GK: variants seen among roughly 807,000 people sequenced by gnomAD.
The protein encoded by GK is glycerol kinase, also known as ATP:glycerol 3-phosphotransferase.
Under a neutral mutation model 56.4 loss-of-function variants are expected in GK, and 9 were observed. That is an observed-to-expected ratio of 0.16 (90% CI 0.10 to 0.28). GK has a LOEUF of 0.28. GK is among the 10% of genes least tolerant of loss of function. The pLI, the probability that GK is intolerant of heterozygous loss-of-function variation, is 1.00. For synonymous variants in GK, 104 were observed against 144.1 expected (o/e 0.72, Z 1.99); for missense variants, 161 against 431.4 (o/e 0.37, Z 5.55).
intron 11 of GK, among the ~76,000 whole-genome samples, chrX:30,705,401 A>T (rs992530840): frequency 8.9e-6 from 1 of 112,946 alleles, no homozygotes; most frequent in African/African-American, 3.2e-5. Flanking sequence ...CTGAAAGAGC[A>T]CATGAGATAG....
chrX:30,684,343 T>A (rs985618361), intron 4 of GK, among the ~76,000 whole-genome samples: 42 of 111,032 alleles, frequency 3.8e-4, no homozygotes, highest in Non-Finnish European at 7.2e-4. Context: ...TAGCTTTCTG[T>A]AGAGCACAAT....
chrX:30,702,458 A>G (rs1409768857), intron 11 of GK, among the ~76,000 whole-genome samples: 3 of 113,144 alleles, frequency 2.7e-5, no homozygotes, highest in Non-Finnish European at 5.6e-5. Flanking sequence ...AGCTTAGCCA[A>G]TGGCTATTGT....
chrX:30,685,625 G>T (rs1934560801), intron 4 of GK, among the ~76,000 whole-genome samples: 1 of 112,177 alleles, frequency 8.9e-6, no homozygotes, highest in African/African-American at 3.2e-5. Context: ...TGCAGTGATT[G>T]AATTATTCAA....
chrX:30,727,595 A>G (rs1937191814), intron 20 of GK, 43 bp downstream of exon 20: 1 of 820,040 alleles, frequency 1.2e-6, no homozygotes. Context: ...AGTTAGCTTT[A>G]ATGTTTTCGT....
chrX:30,679,101 C>T (rs898125975), intron 4 of GK, among the ~76,000 whole-genome samples: 2 of 110,367 alleles, frequency 1.8e-5, no homozygotes, highest in African/African-American at 6.6e-5. Context: ...GGAGAGTATC[C>T]TTTGATAGAT....
chrX:30,721,318 G>A (rs1936889561), intron 18 of GK: 3 of 252,308 alleles, frequency 1.2e-5, no homozygotes, highest in Non-Finnish European at 2.1e-5. Context: ...TTGAGACGGA[G>A]TCTCACTTTG....
chrX:30,670,125 A>G (rs1363156015), intron 3 of GK, among the ~76,000 whole-genome samples: 2 of 112,192 alleles, frequency 1.8e-5, no homozygotes, highest in Non-Finnish European at 3.8e-5. Context: ...CATTTCCTTG[A>G]GCTGTTCTTG....
Position 30,659,892 on chromosome X carries a change from GTGT to G in GK, c.79-5618_79-5616del, listed in dbSNP as rs760383172. ...GCCTCCCCAGTAGCTGGGATTATAG[GTGT>G]GCACCACCACACCCAGCTAATTTTT... On this transcript the variant is annotated intron_variant, in intron 1 of 20. Transcript: ENST00000427190. Among the ~76,000 whole-genome samples the G allele has an allele frequency of 1.0e-3, 115 of 111,245 alleles. 3 individuals are homozygous for G. The East Asian group carries it at 0.03, about 29-fold the overall frequency.
chrX:30,684,023 A>C (rs1262560957), intron 4 of GK, among the ~76,000 whole-genome samples: 1 of 107,504 alleles, frequency 9.3e-6, no homozygotes, highest in African/African-American at 3.4e-5. Flanking sequence ...TTTTCCTTCC[A>C]AAAGCAGCTT....
At chrX:30,675,242 C>A (rs1437381962) in intron 3 of GK, among the ~76,000 whole-genome samples, 1 of 107,977 alleles carries the variant, frequency 9.3e-6, no homozygotes, top group Non-Finnish European at 1.9e-5. Flanking sequence ...GTCACCCAGG[C>A]AGGAGTGCAG....
At chrX:30,716,226 C>T (rs1289422387) in intron 13 of GK, among the ~76,000 whole-genome samples, 2 of 112,047 alleles carry the variant, frequency 1.8e-5, no homozygotes, top group Non-Finnish European at 3.8e-5. Flanking sequence ...TTGCCTAAAA[C>T]AATTATGTAT....
At chrX:30,717,384 A>G (rs756208001) in intron 13 of GK, among the ~76,000 whole-genome samples, 1 of 110,497 alleles carries the variant, frequency 9.1e-6, no homozygotes, top group East Asian at 2.8e-4. Flanking sequence ...TATACAGTTC[A>G]ATGGTTTATA....
At chrX:30,665,890 G>A (rs1404565306) in intron 2 of GK, among the ~76,000 whole-genome samples, 4 of 111,735 alleles carry the variant, frequency 3.6e-5, no homozygotes, top group Admixed American at 9.6e-5. Context: ...TTGCAAAAAT[G>A]CTGCTTTGCT....
chrX:30,693,572 A>G (rs757480426), intron 5 of GK, among the ~76,000 whole-genome samples: 4 of 108,811 alleles, frequency 3.7e-5, no homozygotes, highest in African/African-American at 1.3e-4. Flanking sequence ...TTTTTGAGAC[A>G]GAGTCTCGCT....
chrX:30,693,102 C>T (rs1407296064), intron 5 of GK, among the ~76,000 whole-genome samples: 7 of 102,649 alleles, frequency 6.8e-5, no homozygotes, highest in South Asian at 4.6e-4. Flanking sequence ...CTGCAAGCTC[C>T]GCCTCCCGGG....
At position 30,661,404 on chromosome X, in the gene GK, A is replaced by G. The variant is rs774356337; in HGVS notation, c.79-4107A>G. ...CTTGCACTTCACTTCTGTCAATCCC[A>G]TCGCAGCGGCCCTCCTAGTGGAGGC... is the stretch of plus-strand genomic sequence containing the variant. On this transcript the variant is annotated intron_variant, in intron 1 of 20. Transcript: ENST00000427190. Among the ~76,000 whole-genome samples the G allele has an allele frequency of 3.6e-5, 4 of 110,273 alleles. No individual in the cohort carries two copies. In the South Asian group the frequency reaches 1.6e-3, roughly 43 times the overall value.
chrX:30,724,622 C>T, intron 19 of GK: 1 of 313,686 alleles, frequency 3.2e-6, no homozygotes, highest in Non-Finnish European at 6.1e-6. Context: ...ATTCCAAGTA[C>T]ATAATGGGAA....
Position 30,689,330 on chromosome X carries a change from T to A in GK, c.338-1793T>A, listed in dbSNP as rs180794716. 2.1e-3 allele frequency: 550 copies of A among 262,637 alleles called. 1 individual carries two copies. Among genetic ancestry groups the A allele is most frequent in the Non-Finnish European group, 3.3e-3 (456 of 136,750 alleles). 21.6% of individuals were successfully genotyped at this position (262,637 alleles called of 1,213,427 possible). A position where few individuals can be genotyped will look rare whatever the true frequency, so the allele number is the denominator to read the frequency against. On this transcript the variant is annotated intron_variant, in intron 4 of 20. Coordinates refer to ENST00000427190, the MANE Select transcript of GK (RefSeq NM_001205019.2). ...ACTGTGTAAAAGTAGACTGCCCTTG[T>A]TCCCTGGGCATGGGAGATCTTGCCA...
intron 1 of GK, among the ~76,000 whole-genome samples, chrX:30,665,254 T>A (rs889811402): frequency 8.9e-6 from 1 of 112,070 alleles, no homozygotes. Context: ...ACCATTTTGG[T>A]TTTTTAAGGA....
Sources: gnomAD v4.1 joint callset for allele counts (sites outside exome capture counted in the v4.1 genomes callset) on GRCh38, gnomAD v4.1.1 for gene constraint, MANE v1.5 for transcripts, NCBI Gene and HGNC (gene_info 2026-07-23, HGNC 2026-07-21) for gene names.